Variants in GRID2 observed in about 807,000 individuals in gnomAD.
GRID2 encodes glutamate receptor ionotropic, delta-2.
Under a neutral mutation model 114.8 loss-of-function variants are expected in GRID2, and 33 were observed. The observed-to-expected ratio is 0.29, with a 90% CI of 0.22 to 0.38. The LOEUF (loss-of-function observed/expected upper bound fraction) is 0.38, where lower values mean the gene tolerates loss of function less well. GRID2 is among the 10% of genes least tolerant of loss of function. The pLI is 1.00. For synonymous variants in GRID2, 505 were observed against 449.9 expected (o/e 1.12, Z -1.55); for missense variants, 1,184 against 1,257.7 (o/e 0.94, Z 0.89).
At chr4:92,806,489 G>A (rs540019824) in intron 2 of GRID2, among the ~76,000 whole-genome samples, 1 of 151,370 alleles carries the variant, frequency 6.6e-6, no homozygotes, top group African/African-American at 2.4e-5. Flanking sequence ...AAGAAAATAA[G>A]CCTTCTTTTT....
intron 1 of GRID2, among the ~76,000 whole-genome samples, chr4:92,392,437 G>A (rs1331746338): frequency 6.6e-6 from 1 of 152,044 alleles, no homozygotes; most frequent in Admixed American, 6.6e-5. Flanking sequence ...TACTTGGGAG[G>A]CTGAGGCAGG....
intron 2 of GRID2, among the ~76,000 whole-genome samples, chr4:92,664,279 A>T (rs1001014472): frequency 6.6e-6 from 1 of 150,782 alleles, no homozygotes; most frequent in Non-Finnish European, 1.5e-5. Context: ...GGTTTGTTGC[A>T]TTTTTGTTTT....
intron 1 of GRID2, among the ~76,000 whole-genome samples, chr4:93,793,621 GA>G (rs1381573930): frequency 6.6e-6 from 1 of 152,082 alleles, no homozygotes; most frequent in African/African-American, 2.4e-5. Flanking sequence ...ATTGTCTTCT[GA>G]AATTGTAATA....
At chr4:92,497,123 A>G (rs1319094275) in intron 1 of GRID2, among the ~76,000 whole-genome samples, 3 of 151,802 alleles carry the variant, frequency 2.0e-5, no homozygotes, top group African/African-American at 4.8e-5. Context: ...GAAATGAGAT[A>G]GGATAACTTT....
At chr4:92,881,827 G>A (rs1746042688) in intron 2 of GRID2, among the ~76,000 whole-genome samples, 1 of 152,082 alleles carries the variant, frequency 6.6e-6, no homozygotes, top group South Asian at 2.1e-4. Flanking sequence ...GTTTTGATGT[G>A]ATATCCTAAT....
chr4:93,112,921 T>C (rs1265914832), intron 4 of GRID2, among the ~76,000 whole-genome samples: 3 of 152,094 alleles, frequency 2.0e-5, no homozygotes, highest in Non-Finnish European at 4.4e-5. Context: ...GGGTTCACCC[T>C]AATGACCTAA....
At chr4:93,264,667 G>A (rs1382807586) in intron 8 of GRID2, among the ~76,000 whole-genome samples, 5 of 144,390 alleles carry the variant, frequency 3.5e-5, no homozygotes, top group East Asian at 2.0e-4. Context: ...TCTCATTATT[G>A]GTCCTGAGTC....
chr4:93,553,409 T>G (rs1733977865), intron 13 of GRID2, among the ~76,000 whole-genome samples: 1 of 152,222 alleles, frequency 6.6e-6, no homozygotes, highest in South Asian at 2.1e-4. Flanking sequence ...TTGGTTCTAA[T>G]TCCTCTTGTA....
intron 1 of GRID2, among the ~76,000 whole-genome samples, chr4:92,366,573 T>C (rs1728875892): frequency 1.3e-5 from 2 of 152,018 alleles, no homozygotes; most frequent in Admixed American, 6.6e-5. Context: ...AAAATGTTGC[T>C]GTTGTCCCAA....
At chr4:92,862,855 C>T (rs565287112) in intron 2 of GRID2, among the ~76,000 whole-genome samples, 5 of 152,152 alleles carry the variant, frequency 3.3e-5, no homozygotes, top group African/African-American at 1.2e-4. Flanking sequence ...ATCCTGAAAG[C>T]TCAGTGCTCT....
intron 2 of GRID2, among the ~76,000 whole-genome samples, chr4:92,721,541 A>G (rs1007999000): frequency 1.3e-5 from 2 of 152,160 alleles, no homozygotes; most frequent in African/African-American, 4.8e-5. Flanking sequence ...AGAAAGTATC[A>G]TAAGATAGCA....
rs190395843 is a variant in GRID2, at chr4:92,586,422, T to C, written c.89-3709T>C. Among the ~76,000 whole-genome samples, 310 of 151,568 alleles carry C rather than the reference T, an allele frequency of 2.0e-3. 2 individuals are homozygous for C. Among genetic ancestry groups the C allele is most frequent in the Non-Finnish European group, 2.5e-3 (170 of 67,736 alleles). ...CACACACACAGACACCAAGCATATA[T>C]CTATTAGGTTAAAAGAAGAAATTTG... On this transcript the variant is annotated intron_variant, in intron 1 of 15. Transcript: ENST00000282020.
intron 14 of GRID2, among the ~76,000 whole-genome samples, chr4:93,712,607 C>G (rs1728579773): frequency 6.6e-6 from 1 of 152,030 alleles, no homozygotes; most frequent in Admixed American, 6.6e-5. Context: ...GGACATAAAC[C>G]ATCTCTCACT....
intron 4 of GRID2, among the ~76,000 whole-genome samples, chr4:93,145,613 C>A (rs11730324): frequency 0.057 from 8,422 of 147,188 alleles, 705 homozygotes; most frequent in African/African-American, 0.18. Context: ...TGCCTGACAC[C>A]CCACCCAGCT....
At chr4:93,058,819 C>A (rs534101929) in intron 2 of GRID2, among the ~76,000 whole-genome samples, 1 of 151,748 alleles carries the variant, frequency 6.6e-6, no homozygotes, top group Non-Finnish European at 1.5e-5. Context: ...TTGGCTCATT[C>A]CAAATAAATG....
chr4:92,837,179 C>A (rs970181432), intron 2 of GRID2, among the ~76,000 whole-genome samples: 1 of 151,964 alleles, frequency 6.6e-6, no homozygotes, highest in Non-Finnish European at 1.5e-5. Flanking sequence ...TGAATGGTAA[C>A]GACACAATCC....
chr4:93,094,633 G>T (rs1731050689), intron 3 of GRID2, among the ~76,000 whole-genome samples: 2 of 152,004 alleles, frequency 1.3e-5, no homozygotes, highest in Non-Finnish European at 1.5e-5. Flanking sequence ...TTAGTATCTG[G>T]AGAGTGTGTG....
At chr4:93,438,689 A>T (rs1450252126) in intron 10 of GRID2, among the ~76,000 whole-genome samples, 4 of 151,910 alleles carry the variant, frequency 2.6e-5, no homozygotes. Context: ...ATTTTATTTT[A>T]TTATTATTAT....
chr4:93,011,703 G>T (rs1417328647), intron 2 of GRID2, among the ~76,000 whole-genome samples: 3 of 152,110 alleles, frequency 2.0e-5, no homozygotes, highest in East Asian at 3.9e-4. Flanking sequence ...GATGTATCAT[G>T]TTCCAAACAA....
Sources: allele counts gnomAD v4.1 joint callset (sites outside exome capture counted in the v4.1 genomes callset), GRCh38; gene constraint gnomAD v4.1.1; transcripts MANE v1.5; gene names NCBI Gene and HGNC (gene_info 2026-07-23, HGNC 2026-07-21).